Variants in NOX4 observed in about 807,000 individuals in gnomAD.
NOX4 encodes the protein kidney oxidase-1.
NOX4 carries 69 observed loss-of-function variants against 87.6 expected under a neutral mutation model. The observed-to-expected ratio is 0.79, with a 90% CI of 0.65 to 0.96. The LOEUF is 0.96. Among genes scored for constraint, NOX4 ranks in the 40% least tolerant of loss-of-function variants. NOX4 has a pLI of 0.00. For synonymous variants in NOX4, 275 were observed against 238.2 expected, an observed-to-expected ratio of 1.15 and a Z score of -1.42; for missense variants, 680 against 681.5, an observed-to-expected ratio of 1.00 and a Z score of 0.02.
intron 12 of NOX4, among the ~76,000 whole-genome samples, chr11:89,366,469 G>A (rs1368916065): frequency 6.6e-6 from 1 of 151,972 alleles, no homozygotes; most frequent in Non-Finnish European, 1.5e-5. Context: ...CTCGAGCCCA[G>A]GAGTTTGATT....
intron 17 of NOX4, among the ~76,000 whole-genome samples, chr11:89,332,957 G>A (rs1348333708): frequency 6.6e-6 from 1 of 151,852 alleles, no homozygotes; most frequent in Non-Finnish European, 1.5e-5. Flanking sequence ...TCACACACAT[G>A]TGGAAAGTAA....
At chr11:89,351,723 T>C (rs1179642415) in intron 13 of NOX4, among the ~76,000 whole-genome samples, 2 of 152,112 alleles carry the variant, frequency 1.3e-5, no homozygotes, top group Non-Finnish European at 2.9e-5. Context: ...CATCTGTTTA[T>C]AGATAGCATG....
At chr11:89,346,787 C>G (rs1946232897) in intron 13 of NOX4, among the ~76,000 whole-genome samples, 2 of 152,208 alleles carry the variant, frequency 1.3e-5, no homozygotes, top group Non-Finnish European at 2.9e-5. Context: ...GCTAACACAG[C>G]TTCTTGACTT....
chr11:89,396,561 A>T (rs150462440), intron 11 of NOX4, among the ~76,000 whole-genome samples: 5,268 of 152,232 alleles, frequency 0.035, 174 homozygotes, highest in East Asian at 0.13. Flanking sequence ...TGTGTGCTGT[A>T]TTCAGGAAAC....
chr11:89,495,004 G>A (rs1454209007), upstream of NOX4, among the ~76,000 whole-genome samples: 1 of 152,142 alleles, frequency 6.6e-6, no homozygotes, highest in South Asian at 2.1e-4. Context: ...GTGGAGTGGT[G>A]CAATCATGGC....
At chr11:89,563,343 G>A in the NOX4 span, among the ~76,000 whole-genome samples, 54,759 of 151,868 alleles carry the variant, frequency 0.36, 10,004 homozygotes, top group Middle Eastern at 0.41. Flanking sequence ...TAGATAGATG[G>A]GAGAGGTAGT....
chr11:89,498,367 T>C (rs1267612654), upstream of NOX4, among the ~76,000 whole-genome samples: 1 of 152,200 alleles, frequency 6.6e-6, no homozygotes, highest in African/African-American at 2.4e-5. Flanking sequence ...ATTTAGTTGC[T>C]GTCAGTAAAA....
chr11:89,520,661 C>T, the NOX4 span, among the ~76,000 whole-genome samples: 21 of 152,240 alleles, frequency 1.4e-4, no homozygotes, highest in Admixed American at 1.2e-3. Flanking sequence ...CCCACTCTTA[C>T]TACTGCTGTT....
chr11:89,533,138 T>C, the NOX4 span, among the ~76,000 whole-genome samples: 1 of 152,222 alleles, frequency 6.6e-6, no homozygotes, highest in Non-Finnish European at 1.5e-5. Context: ...GGAATCAAAC[T>C]ATATAAAGTG....
At chr11:89,485,322 T>C (rs2135481948) in intron 2 of NOX4, among the ~76,000 whole-genome samples, 2 of 152,210 alleles carry the variant, frequency 1.3e-5, no homozygotes, top group Middle Eastern at 3.4e-3. Context: ...ATTAAAATCT[T>C]ATCCTGACAC....
intron 2 of NOX4, among the ~76,000 whole-genome samples, chr11:89,453,682 C>A (rs560060733): frequency 6.6e-6 from 1 of 152,132 alleles, no homozygotes. Context: ...AAGTAATTAA[C>A]GATATTGTCT....
At chr11:89,438,813 ATATATTATATAATAT>A (rs1944267999) in intron 6 of NOX4, among the ~76,000 whole-genome samples, 1 of 23,944 alleles carries the variant, frequency 4.2e-5, no homozygotes, top group African/African-American at 6.4e-4. Flanking sequence ...TATATATTAT[ATATATTATATAATAT>A]CTTATATATT....
At chr11:89,503,374 A>G in the NOX4 span, among the ~76,000 whole-genome samples, 1 of 152,044 alleles carries the variant, frequency 6.6e-6, no homozygotes, top group Admixed American at 6.6e-5. Context: ...CTAGCAGAAT[A>G]TAAACAGGAA....
In NOX4 at chr11:89,350,278, C is replaced by A. The variant is rs1046125473; in HGVS notation, c.1217+4684G>T. ...ATTGCAGGAGTTATTTTTTAAATGC[C>A]TTTCCTTTAAACATATACATACATA... On this transcript the variant is annotated intron_variant, in intron 13 of 17. Coordinates refer to ENST00000263317, the MANE Select transcript of NOX4 (RefSeq NM_016931.5). Among the ~76,000 whole-genome samples, 80 of 152,264 alleles carry A rather than the reference C, an allele frequency of 5.3e-4. 1 individual carries two copies. Among genetic ancestry groups the A allele is most frequent in the African/African-American group, 1.8e-3 (76 of 41,556 alleles).
the NOX4 span, among the ~76,000 whole-genome samples, chr11:89,509,575 A>T: frequency 1.3e-5 from 2 of 152,078 alleles, no homozygotes; most frequent in Admixed American, 1.3e-4. Flanking sequence ...AGATAAATAC[A>T]TAAAGATTTA....
At chr11:89,387,845 GA>G (rs1940825300) in intron 11 of NOX4, among the ~76,000 whole-genome samples, 1 of 152,148 alleles carries the variant, frequency 6.6e-6, no homozygotes, top group Non-Finnish European at 1.5e-5. Flanking sequence ...TGATTTGGTA[GA>G]AAGTCTTAAA....
At chr11:89,332,785 T>A (rs1365198271) in intron 17 of NOX4, among the ~76,000 whole-genome samples, 2 of 151,908 alleles carry the variant, frequency 1.3e-5, no homozygotes, top group African/African-American at 4.8e-5. Context: ...AACCATGGCT[T>A]TTGATAAATC....
the NOX4 span, among the ~76,000 whole-genome samples, chr11:89,573,290 C>A: frequency 6.6e-6 from 1 of 152,178 alleles, no homozygotes; most frequent in African/African-American, 2.4e-5. Flanking sequence ...GTAATCCCAG[C>A]ACTTTGGGAG....
At chr11:89,567,540 G>A in the NOX4 span, among the ~76,000 whole-genome samples, 1 of 152,186 alleles carries the variant, frequency 6.6e-6, no homozygotes, top group Admixed American at 6.5e-5. Flanking sequence ...TTACAATCAT[G>A]ATGGAAGAAG....
Sources: gnomAD v4.1 joint callset for allele counts (sites outside exome capture counted in the v4.1 genomes callset) on GRCh38, gnomAD v4.1.1 for gene constraint, MANE v1.5 for transcripts, NCBI Gene and HGNC (gene_info 2026-07-23, HGNC 2026-07-21) for gene names.